RYR3: variants seen among roughly 807,000 people sequenced by gnomAD.
RYR3 encodes ryanodine receptor 3.
Under a neutral mutation model 584.3 loss-of-function variants are expected in RYR3, and 207 were observed. The ratio of observed to expected loss-of-function variants is 0.35; its 90% CI spans 0.32 to 0.40. The LOEUF (loss-of-function observed/expected upper bound fraction) is 0.40. Ranked by LOEUF, RYR3 falls within the 10% of genes least tolerant of loss-of-function variation. The pLI is 1.00. For synonymous variants in RYR3, 2,416 were observed against 2,248.5 expected (o/e 1.07, Z -2.11); for missense variants, 5,616 against 6,089.2 (o/e 0.92, Z 2.59).
chr15:33,334,918 T>C (rs896626521), intron 1 of RYR3, among the ~76,000 whole-genome samples: 1 of 151,364 alleles, frequency 6.6e-6, no homozygotes, highest in African/African-American at 2.4e-5. Context: ...TCAACAAACA[T>C]GAAAAAATGC....
intron 1 of RYR3, among the ~76,000 whole-genome samples, chr15:33,449,572 A>C (rs1189447638): frequency 6.6e-6 from 1 of 152,236 alleles, no homozygotes; most frequent in Non-Finnish European, 1.5e-5. Flanking sequence ...TAAATATATT[A>C]TAGAAATACA....
intron 5 of RYR3, among the ~76,000 whole-genome samples, chr15:33,538,803 T>C (rs531476156): frequency 4.9e-4 from 75 of 152,312 alleles, no homozygotes; most frequent in African/African-American, 1.6e-3. Flanking sequence ...TCACTTTTTA[T>C]TGGCTAAAAG....
At chr15:33,429,357 G>GAGAT (rs2141705294) in intron 1 of RYR3, among the ~76,000 whole-genome samples, 1 of 152,324 alleles carries the variant, frequency 6.6e-6, no homozygotes, top group Non-Finnish European at 1.5e-5. Context: ...GCAGCTCAAA[G>GAGAT]AGATGTATGT....
At chr15:33,852,975 G>C in intron 94 of RYR3, 70 bp from the exon 95 acceptor site, 1 of 1,366,744 alleles carries the variant, frequency 7.3e-7, no homozygotes, top group East Asian at 2.4e-5. Context: ...CACTCAAACT[G>C]AAACGTTTCT....
intron 33 of RYR3, 89 bp downstream of exon 33, chr15:33,659,895 A>G: frequency 1.1e-6 from 1 of 915,366 alleles, no homozygotes. Context: ...AGAAGATGGG[A>G]GAAGCCTGTT....
At chr15:33,727,633 C>CCTGCAGT (rs1467536059) in intron 46 of RYR3, among the ~76,000 whole-genome samples, 2 of 152,174 alleles carry the variant, frequency 1.3e-5, no homozygotes, top group Non-Finnish European at 2.9e-5. Context: ...GAGGCCGCAG[C>CCTGCAGT]CTGCAGTCTG....
chr15:33,549,976 A>G (rs1293395034), intron 9 of RYR3, among the ~76,000 whole-genome samples, 184 bp from the exon 10 acceptor site: 3 of 152,218 alleles, frequency 2.0e-5, no homozygotes, highest in African/African-American at 7.2e-5. Context: ...AAGAAAGAGC[A>G]CTATGCTGGG....
intron 51 of RYR3, 78 bp from the exon 52 acceptor site, chr15:33,742,288 T>C (rs1426438815): frequency 2.3e-6 from 2 of 881,794 alleles, no homozygotes; most frequent in African/African-American, 1.6e-5. Context: ...AGCTGGTTGA[T>C]TGGTAGTTCT....
intron 27 of RYR3, among the ~76,000 whole-genome samples, chr15:33,639,584 C>G (rs553272110): frequency 6.6e-6 from 1 of 152,236 alleles, no homozygotes; most frequent in Non-Finnish European, 1.5e-5. Flanking sequence ...GCAAAATGCC[C>G]GACGTGCTTG....
chr15:33,407,270 A>T (rs1393701063), intron 1 of RYR3, among the ~76,000 whole-genome samples: 2 of 152,234 alleles, frequency 1.3e-5, no homozygotes, highest in African/African-American at 4.8e-5. Context: ...AGAGGACATA[A>T]TTGTTCCAAC....
intron 10 of RYR3, among the ~76,000 whole-genome samples, 174 bp from the exon 11 acceptor site, chr15:33,562,663 C>T (rs890699718): frequency 2.6e-5 from 4 of 152,174 alleles, no homozygotes; most frequent in Middle Eastern, 3.2e-3. Context: ...TTACAATTAA[C>T]AAGCGATAAG....
At chr15:33,794,939 CA>C (rs2075504739) in intron 67 of RYR3, among the ~76,000 whole-genome samples, 1 of 152,164 alleles carries the variant, frequency 6.6e-6, no homozygotes, top group Non-Finnish European at 1.5e-5. Context: ...AAGTGGGGAG[CA>C]AAAGACAACA....
intron 67 of RYR3, among the ~76,000 whole-genome samples, chr15:33,792,641 G>A (rs1267499363): frequency 6.6e-6 from 1 of 152,144 alleles, no homozygotes; most frequent in African/African-American, 2.4e-5. Flanking sequence ...CCCAATGTTC[G>A]TTTGGTGCAC....
chr15:33,590,893 T>C (rs1196164071), intron 16 of RYR3, among the ~76,000 whole-genome samples: 3 of 152,216 alleles, frequency 2.0e-5, no homozygotes, highest in Non-Finnish European at 2.9e-5. Flanking sequence ...TTATTATACC[T>C]TTACTTCTTT....
intron 18 of RYR3, among the ~76,000 whole-genome samples, chr15:33,604,885 G>T (rs2059834839): frequency 6.6e-6 from 1 of 152,172 alleles, no homozygotes; most frequent in South Asian, 2.1e-4. Context: ...CACCTTTGCG[G>T]CTCCTGAGTG....
At chr15:33,337,634 T>C (rs1285685819) in intron 1 of RYR3, among the ~76,000 whole-genome samples, 1 of 152,152 alleles carries the variant, frequency 6.6e-6, no homozygotes, top group Non-Finnish European at 1.5e-5. Context: ...TCAGTTGGAA[T>C]TTATGAATAG....
At chr15:33,352,090 C>T (rs1300829169) in intron 1 of RYR3, among the ~76,000 whole-genome samples, 1 of 152,196 alleles carries the variant, frequency 6.6e-6, no homozygotes, top group Non-Finnish European at 1.5e-5. Context: ...GCACAAAAAT[C>T]ACAAGCATTC....
intron 18 of RYR3, among the ~76,000 whole-genome samples, chr15:33,612,401 C>T (rs1156557557): frequency 6.6e-6 from 1 of 152,220 alleles, no homozygotes; most frequent in African/African-American, 2.4e-5. Flanking sequence ...ACTCTTGTTG[C>T]CCAGGCTGGA....
intron 67 of RYR3, among the ~76,000 whole-genome samples, chr15:33,794,167 T>TAAATATATTATAC (rs1567184735): frequency 8.2e-6 from 1 of 122,112 alleles, no homozygotes; most frequent in Non-Finnish European, 1.6e-5. Flanking sequence ...ATATAATATA[T>TAAATATATTATAC]ACAAATATAC....
Sources: gnomAD v4.1 joint callset for allele counts (sites outside exome capture counted in the v4.1 genomes callset) on GRCh38, gnomAD v4.1.1 for gene constraint, MANE v1.5 for transcripts, NCBI Gene and HGNC (gene_info 2026-07-23, HGNC 2026-07-21) for gene names.